The following MPHOSPH8 variants were observed in gnomAD, a reference collection of about 807,000 sequenced individuals.
MPHOSPH8 encodes the protein M-phase phosphoprotein 8.
In MPHOSPH8, 45 loss-of-function variants were observed where a neutral mutation model predicts 87.3. The ratio of observed to expected loss-of-function variants is 0.52; its 90% CI spans 0.41 to 0.66. MPHOSPH8 has a LOEUF of 0.66. Ranked by LOEUF, MPHOSPH8 falls within the 30% of genes least tolerant of loss-of-function variation. The pLI is 0.00. For synonymous variants in MPHOSPH8, 366 were observed against 376.9 expected (o/e 0.97, Z 0.33); for missense variants, 883 against 1,020.2 (o/e 0.87, Z 1.83).
In MPHOSPH8 at chr13:19,659,318, A is replaced by G. The variant is rs145643381; in HGVS notation, c.1791+29A>G. 1,123 of 1,487,698 alleles carry G rather than the reference A, an allele frequency of 7.5e-4. 8 individuals are homozygous for G. The African/African-American group carries it at 0.013, about 18-fold the overall frequency. The allele number at this position is 1,487,698 out of a possible 1,614,324, so 92.2% of individuals were successfully genotyped here. ...ATATGTCGTTGAAAAATCTCATGAAAGGAAAATGGAAAGTAACACTTGAAA... is the reference window on the plus strand; with the variant it reads ...ATATGTCGTTGAAAAATCTCATGAAGGGAAAATGGAAAGTAACACTTGAAA... On this transcript the variant is annotated intron_variant, in intron 7 of 13. Transcript: ENST00000361479.
intron 1 of MPHOSPH8, 75 bp from the exon 2 acceptor site, chr13:19,642,039 AG>A (rs1311125746): frequency 2.0e-6 from 1 of 491,714 alleles, no homozygotes; most frequent in Non-Finnish European, 3.1e-6. Context: ...TCTTCTCATC[AG>A]TTTTTTTTTT....
At chr13:19,651,548 T>C (rs1439979244) in intron 5 of MPHOSPH8, among the ~76,000 whole-genome samples, 2 of 149,390 alleles carry the variant, frequency 1.3e-5, no homozygotes, top group African/African-American at 2.5e-5. Flanking sequence ...AAAAGAAAAC[T>C]GGCTAGGCAT....
intron 12 of MPHOSPH8, 103 bp from the exon 13 acceptor site, chr13:19,671,102 AT>A (rs1876101812): frequency 1.2e-5 from 18 of 1,491,870 alleles, no homozygotes; most frequent in Non-Finnish European, 1.6e-5. Flanking sequence ...GACTTATGAA[AT>A]AAAAAATAAA....
chr13:19,663,214 G>C (rs901916049), intron 9 of MPHOSPH8, 88 bp downstream of exon 9: 3 of 1,171,930 alleles, frequency 2.6e-6, no homozygotes, highest in Non-Finnish European at 3.8e-6. Context: ...CTGTGCTGGG[G>C]ACTGAGAACA....
At position 19,663,028 on chromosome 13, in the gene MPHOSPH8, T is replaced by G. The variant is rs1184910003; in HGVS notation, c.1933-12T>G. On this transcript the variant is annotated splice_polypyrimidine_tract_variant and intron_variant, in intron 8 of 13. Coordinates refer to ENST00000361479, the MANE Select transcript of MPHOSPH8 (RefSeq NM_017520.4). ...TTTGGGAAATTAAATTTGCCTTTTT[T>G]TCTTTTCATAGAACTTTTTAACAAC... 1 of 1,595,156 alleles carries G rather than the reference T, an allele frequency of 6.3e-7. No individual in the cohort carries two copies. Among genetic ancestry groups the G allele is most frequent in the East Asian group, 2.2e-5 (1 of 44,812 alleles).
chr13:19,658,716 GCTACTTAGT>G lies in MPHOSPH8; in HGVS notation c.1577-276_1577-268del, dbSNP rs550609658. 2.6e-5 allele frequency among the ~76,000 whole-genome samples: 4 copies of G among 152,270 alleles called. No individual in the cohort carries two copies. In the South Asian group the frequency reaches 8.3e-4, roughly 32 times the overall value. ...GATCCCCGATCCCTCCTTCCTTTGA[GCTACTTAGT>G]CTTAAAATTCCTCCTTTGCTATTTT... On this transcript the variant is annotated intron_variant, in intron 5 of 13. Transcript: ENST00000361479.
intron 5 of MPHOSPH8, among the ~76,000 whole-genome samples, chr13:19,652,794 A>G (rs368710733): frequency 2.0e-5 from 3 of 152,196 alleles, no homozygotes; most frequent in South Asian, 2.1e-4. Context: ...TTTTACCCTC[A>G]TAGTGTAAGC....
At chr13:19,653,076 T>C (rs1874949250) in intron 5 of MPHOSPH8, among the ~76,000 whole-genome samples, 1 of 152,136 alleles carries the variant, frequency 6.6e-6, no homozygotes. Flanking sequence ...GCATTTGAGC[T>C]CTGCTAAGGG....
chr13:19,634,015 G>T, intron 1 of MPHOSPH8, 54 bp downstream of exon 1: 1 of 1,559,358 alleles, frequency 6.4e-7, no homozygotes, highest in Non-Finnish European at 8.7e-7. Flanking sequence ...GGCCTGGCGG[G>T]GAGGACGCGA....
At position 19,650,177 on chromosome 13, in the gene MPHOSPH8, A is replaced by T; in HGVS notation, c.1493A>T (p.Asp498Val). Residue 498 changes from aspartate (D) to valine (V), a missense_variant, in exon 5 of 14, where the codon GAC becomes GTC. By Grantham distance (152) the Asp-to-Val change is radical. Around this residue, in one of 3 missense-constraint regions of MPHOSPH8, gnomAD observed 741 missense variants for 841.5 expected, o/e 0.88. Coordinates refer to ENST00000361479, the MANE Select transcript of MPHOSPH8 (RefSeq NM_017520.4). ...QSLKERRNTR[D>V]ETDTWAYIAA... is the part of the protein sequence containing the mutation. The stretch of plus-strand genomic sequence containing the variant: ...CTTAAAGAAAGGAGAAACACCAGAG[A>T]CGAAACGGATACTTGGGCATACATT... The T allele has an allele frequency of 6.2e-7, 1 of 1,614,214 alleles. No individual in the cohort carries two copies. Among genetic ancestry groups the T allele is most frequent in the Non-Finnish European group, 8.5e-7 (1 of 1,180,032 alleles).
intron 4 of MPHOSPH8, among the ~76,000 whole-genome samples, 167 bp from the exon 5 acceptor site, chr13:19,649,836 C>A (rs9579580): frequency 1.3e-5 from 2 of 152,094 alleles, no homozygotes; most frequent in Non-Finnish European, 1.5e-5. Context: ...CCAGCTGAAA[C>A]GATTTTGTGG....
chr13:19,657,863 G>T lies in MPHOSPH8; in HGVS notation c.1577-1132G>T, dbSNP rs146193313. Among the ~76,000 whole-genome samples, 14 of 152,258 alleles carry T rather than the reference G, an allele frequency of 9.2e-5. No homozygotes were observed. The East Asian group carries it at 2.3e-3, about 25-fold the overall frequency. ...GGGCATAGCAGGTGGGGGCTTCATG[G>T]GGGACTCAGACACCTGAATAAGAAG... is the stretch of plus-strand genomic sequence containing the variant. On this transcript the variant is annotated intron_variant, in intron 5 of 13. Transcript: ENST00000361479.
chr13:19,654,218 A>G (rs1329164324), intron 5 of MPHOSPH8, among the ~76,000 whole-genome samples: 1 of 152,232 alleles, frequency 6.6e-6, no homozygotes, highest in East Asian at 1.9e-4. Context: ...GCAAACTAAC[A>G]CAAGAACAGA....
Position 19,673,406 on chromosome 13 carries a change from T to G in MPHOSPH8, c.*1531T>G, listed in dbSNP as rs1876268930. On this transcript the variant is annotated 3_prime_UTR_variant, in exon 14 of 14. Transcript: ENST00000361479. ...TTTACTTTACATCCTAAAACTGCCT[T>G]TTCCTATGGTTTTGTCAATAAAACA... is the stretch of plus-strand genomic sequence containing the variant. 4.2e-6 allele frequency: 1 copy of G among 237,836 alleles called. No individual in the cohort carries two copies. Among genetic ancestry groups the G allele is most frequent in the Non-Finnish European group, 8.4e-6 (1 of 118,562 alleles). 14.7% of individuals were successfully genotyped at this position (237,836 alleles called of 1,614,324 possible). A position where few individuals can be genotyped will look rare whatever the true frequency, so the allele number is the denominator to read the frequency against.
At chr13:19,643,244 T>C (rs1055533422) in intron 2 of MPHOSPH8, among the ~76,000 whole-genome samples, 2 of 152,084 alleles carry the variant, frequency 1.3e-5, no homozygotes, top group Admixed American at 6.6e-5. Flanking sequence ...TTTTTTTCTT[T>C]TCTTCTCATT....
At chr13:19,670,193 A>C (rs773578805) in intron 11 of MPHOSPH8, 43 bp from the exon 12 acceptor site, 1 of 1,612,108 alleles carries the variant, frequency 6.2e-7, no homozygotes, top group East Asian at 2.2e-5. Flanking sequence ...CTGGGGACTG[A>C]AGGTTGCCTT....
At chr13:19,636,122 T>C (rs984286866) in intron 1 of MPHOSPH8, among the ~76,000 whole-genome samples, 19 of 152,344 alleles carry the variant, frequency 1.2e-4, no homozygotes, top group African/African-American at 4.6e-4. Context: ...TATTTCTTCA[T>C]AGCAGTTTGA....
chr13:19,652,811 TCCG>T (rs1022564156), intron 5 of MPHOSPH8, among the ~76,000 whole-genome samples: 1 of 152,082 alleles, frequency 6.6e-6, no homozygotes, highest in African/African-American at 2.4e-5. Flanking sequence ...AAGCAAAGCC[TCCG>T]GGATGTTCGA....
At chr13:19,637,167 T>C (rs930090224) in intron 1 of MPHOSPH8, among the ~76,000 whole-genome samples, 2 of 152,212 alleles carry the variant, frequency 1.3e-5, no homozygotes, top group Non-Finnish European at 2.9e-5. Context: ...CAATTATCAG[T>C]AAATTAAATC....
Sources: gnomAD v4.1 joint callset for allele counts (sites outside exome capture counted in the v4.1 genomes callset) on GRCh38, gnomAD v4.1.1 for gene constraint, gnomAD v4.1.1 regional missense constraint, MANE v1.5 for transcripts, NCBI Gene and HGNC (gene_info 2026-07-23, HGNC 2026-07-21) for gene names.